The following PDE11A variants were observed in gnomAD, a reference collection of about 807,000 sequenced individuals.
PDE11A encodes phosphodiesterase 11A.
Under a neutral mutation model 100.5 loss-of-function variants are expected in PDE11A, and 100 were observed. That is an observed-to-expected ratio of 1.00 (90% CI 0.85 to 1.18). PDE11A has a LOEUF of 1.18. PDE11A is among the 50% of genes most tolerant of loss of function. The pLI is 0.00. For missense variants in PDE11A, 1,141 were observed against 1,152.6 expected (o/e 0.99, Z 0.15); for synonymous variants, 381 against 420.8 (o/e 0.91, Z 1.16).
intron 5 of PDE11A, among the ~76,000 whole-genome samples, chr2:177,842,542 A>T (rs1328305041): frequency 6.6e-6 from 1 of 152,206 alleles, no homozygotes; most frequent in Non-Finnish European, 1.5e-5. Context: ...GGCAATGGAG[A>T]ACTGTTTAAG....
In PDE11A at chr2:177,645,233, T is replaced by C. The variant is rs1332093928; in HGVS notation, c.2647-15671A>G. Among the ~76,000 whole-genome samples the C allele has an allele frequency of 5.3e-5, 8 of 152,254 alleles. No homozygotes were observed. The East Asian group carries it at 1.5e-3, about 29-fold the overall frequency. On this transcript the variant is annotated intron_variant, in intron 19 of 19. Transcript: ENST00000286063. ...TAGAGTCTCACTCTGTCACCCAGGC[T>C]GGAGTGCAGTGGCACAAACTTGGCT...
intron 2 of PDE11A, among the ~76,000 whole-genome samples, chr2:177,952,837 A>G (rs1437170002): frequency 6.6e-6 from 1 of 151,954 alleles, no homozygotes; most frequent in Non-Finnish European, 1.5e-5. Flanking sequence ...TTAGTTTTCT[A>G]TTTCCCCTCT....
chr2:178,063,928 C>T (rs150838128), intron 1 of PDE11A, among the ~76,000 whole-genome samples: 91 of 152,288 alleles, frequency 6.0e-4, no homozygotes, highest in Admixed American at 9.8e-4. Flanking sequence ...ATGTTCAAAG[C>T]CCTTTCCAAA....
At chr2:177,956,939 T>C (rs1403050224) in intron 2 of PDE11A, among the ~76,000 whole-genome samples, 1 of 152,066 alleles carries the variant, frequency 6.6e-6, no homozygotes, top group East Asian at 1.9e-4. Flanking sequence ...CATTTAGAGA[T>C]ATACCTAATG....
intron 2 of PDE11A, among the ~76,000 whole-genome samples, chr2:177,994,391 A>G (rs744397): frequency 0.66 from 100,534 of 152,048 alleles, 35,140 homozygotes; most frequent in South Asian, 0.78. Context: ...TGTTGGATAA[A>G]CTCCCTGCCT....
In PDE11A at chr2:177,642,422, G is replaced by C. The variant is rs539678035; in HGVS notation, c.2647-12860C>G. ...AAGGACTTAAATAGCTGATTCAGTGGGTTCATAACAGCTGAGTTCTTCTCA... is the reference window on the plus strand; with the variant it reads ...AAGGACTTAAATAGCTGATTCAGTGCGTTCATAACAGCTGAGTTCTTCTCA... On this transcript the variant is annotated intron_variant, in intron 19 of 19. Transcript: ENST00000286063. Among the ~76,000 whole-genome samples the C allele has an allele frequency of 5.3e-5, 8 of 152,286 alleles. 1 individual carries two copies. The South Asian group carries it at 1.5e-3, about 28-fold the overall frequency.
chr2:177,837,505 G>A (rs556800213), intron 6 of PDE11A, among the ~76,000 whole-genome samples: 9 of 148,612 alleles, frequency 6.1e-5, no homozygotes, highest in East Asian at 2.0e-4. Flanking sequence ...ATGGAGTCTC[G>A]CTCTGTCGCC....
chr2:177,916,927 A>AATTT (rs2084962380), intron 2 of PDE11A, among the ~76,000 whole-genome samples: 1 of 105,314 alleles, frequency 9.5e-6, no homozygotes, highest in South Asian at 3.4e-4. Flanking sequence ...CGCCCGGCTA[A>AATTT]TTTTTTTTTT....
intron 4 of PDE11A, among the ~76,000 whole-genome samples, chr2:177,889,850 T>C (rs2084501878): frequency 6.6e-6 from 1 of 152,188 alleles, no homozygotes; most frequent in Non-Finnish European, 1.5e-5. Flanking sequence ...TCTCATTTCA[T>C]GGAAAACTTT....
chr2:178,100,310 T>C (rs1380519993), intron 2 of PDE11A, among the ~76,000 whole-genome samples: 1 of 152,214 alleles, frequency 6.6e-6, no homozygotes, highest in African/African-American at 2.4e-5. Flanking sequence ...TAAAACTATA[T>C]TCTATACAAG....
intron 1 of PDE11A, among the ~76,000 whole-genome samples, chr2:178,066,522 A>T (rs892012624): frequency 6.6e-6 from 1 of 152,052 alleles, no homozygotes; most frequent in Non-Finnish European, 1.5e-5. Flanking sequence ...GTTTTTGGCC[A>T]CCTGATCCCC....
intron 6 of PDE11A, among the ~76,000 whole-genome samples, chr2:177,836,849 G>A (rs2083409390): frequency 6.6e-6 from 1 of 152,150 alleles, no homozygotes; most frequent in Admixed American, 6.5e-5. Flanking sequence ...CTTCACTCCT[G>A]AAGCCAGCGA....
intron 2 of PDE11A, among the ~76,000 whole-genome samples, chr2:177,941,157 A>T (rs1266657294): frequency 6.6e-6 from 1 of 152,132 alleles, no homozygotes; most frequent in African/African-American, 2.4e-5. Context: ...ATCTCATTTA[A>T]TCCTCACGGC....
At chr2:178,077,925 A>T (rs773756424) in intron 2 of PDE11A, among the ~76,000 whole-genome samples, 7 of 151,172 alleles carry the variant, frequency 4.6e-5, no homozygotes, top group Non-Finnish European at 1.0e-4. Context: ...AGATGCTCTT[A>T]GGAAAAAAAA....
In PDE11A at chr2:177,858,228, G is replaced by A. The variant is rs533371881; in HGVS notation, c.1367+17631C>T. Among the ~76,000 whole-genome samples the A allele has an allele frequency of 7.2e-3, 1,097 of 151,904 alleles. 13 individuals carry two copies. The highest frequency in any genetic ancestry group is 0.025 in the African/African-American group (1,020 of 41,434). Reference sequence around the variant, plus strand: ...TAAAACACCAAAAGCAATGGCAACAGAAGCCAAAATTGACAAATGGGATCT... The same window carrying A: ...TAAAACACCAAAAGCAATGGCAACAAAAGCCAAAATTGACAAATGGGATCT... On this transcript the variant is annotated intron_variant, in intron 5 of 19. Coordinates refer to ENST00000286063, the MANE Select transcript of PDE11A (RefSeq NM_016953.4).
chr2:178,085,946 C>CA (rs2087348545), intron 2 of PDE11A, among the ~76,000 whole-genome samples: 1 of 152,126 alleles, frequency 6.6e-6, no homozygotes, highest in Non-Finnish European at 1.5e-5. Context: ...TCAAAAGTAC[C>CA]ACTATCCTAG....
chr2:178,081,173 G>A (rs2087280652), intron 2 of PDE11A, among the ~76,000 whole-genome samples: 1 of 152,082 alleles, frequency 6.6e-6, no homozygotes, highest in Non-Finnish European at 1.5e-5. Context: ...ATATACCCTT[G>A]TGCACTGAAG....
intron 1 of PDE11A, among the ~76,000 whole-genome samples, chr2:178,069,315 G>A (rs2087093166): frequency 6.6e-6 from 1 of 152,022 alleles, no homozygotes; most frequent in South Asian, 2.1e-4. Context: ...ATTGGTGACT[G>A]TAGCGTCCCA....
intron 1 of PDE11A, among the ~76,000 whole-genome samples, chr2:178,065,606 A>C (rs1157381158): frequency 9.2e-5 from 14 of 152,090 alleles, no homozygotes; most frequent in Admixed American, 9.2e-4. Context: ...CACAAAATCA[A>C]CTCTGGTTCT....
Sources: allele counts gnomAD v4.1 joint callset (sites outside exome capture counted in the v4.1 genomes callset), GRCh38; gene constraint gnomAD v4.1.1; transcripts MANE v1.5; gene names NCBI Gene and HGNC (gene_info 2026-07-23, HGNC 2026-07-21).